The following CFAP299 variants were observed in gnomAD, a reference collection of about 807,000 sequenced individuals.
CFAP299 encodes the protein cilia and flagella associated protein 299.
Under a neutral mutation model 27.0 loss-of-function variants are expected in CFAP299, and 21 were observed. That is an observed-to-expected ratio of 0.78 (90% CI 0.55 to 1.12). CFAP299 has a LOEUF of 1.12. CFAP299 is among the 50% of genes most tolerant of loss of function. The pLI is 0.00. For synonymous variants in CFAP299, 104 were observed against 98.1 expected, an observed-to-expected ratio of 1.06 and a Z score of -0.36; for missense variants, 310 against 276.6, an observed-to-expected ratio of 1.12 and a Z score of -0.86.
chr4:80,388,139 A>T, intron 2 of CFAP299: 1 of 674,020 alleles, frequency 1.5e-6, no homozygotes, highest in Non-Finnish European at 2.7e-6. Flanking sequence ...AGGGGGGCCC[A>T]GGCTGTGGGG....
At chr4:80,917,230 T>C (rs1383482219) in intron 4 of CFAP299, among the ~76,000 whole-genome samples, 3 of 152,030 alleles carry the variant, frequency 2.0e-5, no homozygotes, top group African/African-American at 7.2e-5. Context: ...AGCAATATCT[T>C]GGAGGCCATT....
intron 5 of CFAP299, among the ~76,000 whole-genome samples, chr4:80,947,669 GA>G (rs904823242): frequency 6.6e-6 from 1 of 152,020 alleles, no homozygotes; most frequent in African/African-American, 2.4e-5. Context: ...TGCAGTTTGA[GA>G]AAAAATCTCC....
chr4:80,322,338 A>G, the CFAP299 span, among the ~76,000 whole-genome samples: 4,893 of 152,188 alleles, frequency 0.032, 256 homozygotes, highest in African/African-American at 0.11. Flanking sequence ...CAACCACAAC[A>G]ATTCACAACA....
At chr4:80,709,589 A>G (rs1407249583) in intron 3 of CFAP299, among the ~76,000 whole-genome samples, 4 of 152,328 alleles carry the variant, frequency 2.6e-5, no homozygotes, top group Non-Finnish European at 5.9e-5. Flanking sequence ...AAAGGCTCAC[A>G]CTGTTCTGTC....
intron 2 of CFAP299, among the ~76,000 whole-genome samples, chr4:80,424,175 A>C (rs1727428726): frequency 6.6e-6 from 1 of 152,158 alleles, no homozygotes; most frequent in Admixed American, 6.5e-5. Context: ...TGGAAGAGGA[A>C]GGGAAATTCT....
At chr4:80,872,709 T>C (rs1578203111) in intron 4 of CFAP299, 1 of 163,716 alleles carries the variant, frequency 6.1e-6, no homozygotes, top group African/African-American at 2.4e-5. Context: ...CATTTTTATT[T>C]ACTTGATTAT....
At position 80,436,478 on chromosome 4, in the gene CFAP299, T is replaced by A. The variant is rs933501400; in HGVS notation, c.242+73594T>A. Among the ~76,000 whole-genome samples the A allele has an allele frequency of 4.6e-5, 7 of 152,122 alleles. No individual in the cohort carries two copies. In the South Asian group the frequency reaches 1.2e-3, roughly 27 times the overall value. ...CATGCCCGGCTAATTTTGTTTTGTA[T>A]GTTTTAGTAGAGACGGGGTTTCACC... is the stretch of plus-strand genomic sequence containing the variant. On this transcript the variant is annotated intron_variant, in intron 2 of 5. Transcript: ENST00000358105.
At chr4:80,795,644 C>A (rs1166321187) in intron 3 of CFAP299, among the ~76,000 whole-genome samples, 3 of 152,094 alleles carry the variant, frequency 2.0e-5, no homozygotes, top group East Asian at 1.9e-4. Flanking sequence ...GCCTTTAGGA[C>A]CTGCTTGAGC....
intron 3 of CFAP299, among the ~76,000 whole-genome samples, chr4:80,707,124 A>C (rs1457016054): frequency 6.6e-6 from 1 of 151,920 alleles, no homozygotes; most frequent in Non-Finnish European, 1.5e-5. Flanking sequence ...ATAGTAACAC[A>C]TGGGGACCCT....
At chr4:80,814,997 G>A (rs1299931991) in intron 3 of CFAP299, among the ~76,000 whole-genome samples, 1 of 151,958 alleles carries the variant, frequency 6.6e-6, no homozygotes, top group South Asian at 2.1e-4. Flanking sequence ...TTCACCAAAG[G>A]CATTTATCAA....
At chr4:80,753,334 A>G (rs989456142) in intron 3 of CFAP299, among the ~76,000 whole-genome samples, 9 of 151,998 alleles carry the variant, frequency 5.9e-5, no homozygotes, top group Middle Eastern at 6.8e-3. Flanking sequence ...TATGGTTTAT[A>G]TAATTTGTCT....
intron 3 of CFAP299, among the ~76,000 whole-genome samples, chr4:80,610,974 A>C (rs944211815): frequency 2.6e-5 from 4 of 152,064 alleles, no homozygotes; most frequent in Non-Finnish European, 4.4e-5. Flanking sequence ...ACGGGTTCCA[A>C]ACCCCTTTAG....
At chr4:80,603,118 A>C (rs774656568) in intron 3 of CFAP299, among the ~76,000 whole-genome samples, 39 of 152,194 alleles carry the variant, frequency 2.6e-4, no homozygotes, top group Admixed American at 1.2e-3. Context: ...GGAATTATGG[A>C]TTTGACTAAA....
intron 2 of CFAP299, among the ~76,000 whole-genome samples, chr4:80,495,811 A>G (rs181760290): frequency 6.6e-6 from 1 of 152,338 alleles, no homozygotes; most frequent in Admixed American, 6.5e-5. Context: ...GGCCTCAGGA[A>G]ACGTACAACT....
intron 3 of CFAP299, among the ~76,000 whole-genome samples, chr4:80,598,338 T>G (rs1437808385): frequency 6.6e-6 from 1 of 152,200 alleles, no homozygotes; most frequent in Non-Finnish European, 1.5e-5. Context: ...CTTTTAGAAA[T>G]GTACCTACAA....
chr4:80,716,415 C>T (rs1722484346), intron 3 of CFAP299, among the ~76,000 whole-genome samples: 1 of 150,208 alleles, frequency 6.7e-6, no homozygotes, highest in South Asian at 2.1e-4. Flanking sequence ...AAGATATATC[C>T]TAATATATTC....
chr4:80,799,086 T>C (rs1031095818), intron 3 of CFAP299, among the ~76,000 whole-genome samples: 1 of 142,808 alleles, frequency 7.0e-6, no homozygotes, highest in Non-Finnish European at 1.5e-5. Flanking sequence ...GAACTAATAG[T>C]GTGTGTGAGT....
chr4:80,321,588 G>A, the CFAP299 span, among the ~76,000 whole-genome samples: 3 of 152,188 alleles, frequency 2.0e-5, no homozygotes, highest in East Asian at 3.9e-4. Context: ...CAGTACCTGA[G>A]CCAGGGGGAG....
At chr4:80,386,363 G>T in intron 2 of CFAP299, 1 of 1,462,926 alleles carries the variant, frequency 6.8e-7, no homozygotes, top group Non-Finnish European at 9.3e-7. Flanking sequence ...GCTCTGCGAA[G>T]GGCGGCTTGC....
Sources: gnomAD v4.1 joint callset for allele counts (sites outside exome capture counted in the v4.1 genomes callset) on GRCh38, gnomAD v4.1.1 for gene constraint, MANE v1.5 for transcripts, NCBI Gene and HGNC (gene_info 2026-07-23, HGNC 2026-07-21) for gene names.